TMEM132C: variants seen among roughly 807,000 people sequenced by gnomAD.
TMEM132C encodes the protein protein phosphatase 1, regulatory subunit 152.
Under a neutral mutation model 61.4 loss-of-function variants are expected in TMEM132C, and 29 were observed. The ratio of observed to expected loss-of-function variants is 0.47; its 90% CI spans 0.35 to 0.64. The LOEUF (loss-of-function observed/expected upper bound fraction) is 0.64. TMEM132C is among the 30% of genes least tolerant of loss of function. The pLI is 0.00. For synonymous variants in TMEM132C, 656 were observed against 633.1 expected (o/e 1.04, Z -0.54); for missense variants, 1,408 against 1,476.9 (o/e 0.95, Z 0.76).
chr12:128,595,465 G>A (rs756907412), intron 3 of TMEM132C, among the ~76,000 whole-genome samples: 1 of 152,190 alleles, frequency 6.6e-6, no homozygotes, highest in Admixed American at 6.5e-5. Context: ...GTTCACTAAG[G>A]GGGGAAGCTG....
chr12:128,502,809 A>T (rs1872226932), intron 2 of TMEM132C, among the ~76,000 whole-genome samples: 2 of 152,214 alleles, frequency 1.3e-5, no homozygotes, highest in Admixed American at 1.3e-4. Context: ...GCCTACCCTA[A>T]GACCCTACAA....
intron 5 of TMEM132C, among the ~76,000 whole-genome samples, chr12:128,689,317 G>A (rs1230413270): frequency 1.3e-5 from 2 of 152,032 alleles, no homozygotes; most frequent in Non-Finnish European, 2.9e-5. Flanking sequence ...TTTTCTCTCA[G>A]CAATTTTGAA....
intron 2 of TMEM132C, among the ~76,000 whole-genome samples, chr12:128,472,456 G>A (rs567558664): frequency 6.6e-6 from 1 of 152,224 alleles, no homozygotes; most frequent in Non-Finnish European, 1.5e-5. Flanking sequence ...GGGAGCCTTA[G>A]TAGGCCATTA....
intron 2 of TMEM132C, among the ~76,000 whole-genome samples, chr12:128,452,197 C>T (rs1870196117): frequency 6.6e-6 from 1 of 151,944 alleles, no homozygotes; most frequent in Non-Finnish European, 1.5e-5. Flanking sequence ...AAGACTCAAG[C>T]GATCCTCTCA....
chr12:128,288,682 T>A (rs1419862186), intron 1 of TMEM132C: 1 of 152,204 alleles, frequency 6.6e-6, no homozygotes, highest in African/African-American at 2.4e-5. Flanking sequence ...GGGCCCCATG[T>A]CACTGTGGAG....
intron 1 of TMEM132C, among the ~76,000 whole-genome samples, chr12:128,357,692 CAAAA>C (rs751246246): frequency 7.0e-5 from 5 of 71,304 alleles, no homozygotes; most frequent in Admixed American, 1.5e-4. Flanking sequence ...GACTCCGTCT[CAAAA>C]AAAAAAAAAA....
intron 2 of TMEM132C, among the ~76,000 whole-genome samples, chr12:128,445,299 C>A (rs1382810288): frequency 6.6e-6 from 1 of 152,064 alleles, no homozygotes; most frequent in Non-Finnish European, 1.5e-5. Context: ...TTGAACAAAG[C>A]AACATTAAAA....
At chr12:128,317,065 G>GT (rs1872176566) in intron 1 of TMEM132C, among the ~76,000 whole-genome samples, 1 of 152,122 alleles carries the variant, frequency 6.6e-6, no homozygotes, top group Non-Finnish European at 1.5e-5. Flanking sequence ...AACCAAATCT[G>GT]TTTCAGGCAT....
At chr12:128,323,772 G>C (rs747178931) in intron 1 of TMEM132C, among the ~76,000 whole-genome samples, 2 of 152,334 alleles carry the variant, frequency 1.3e-5, no homozygotes, top group South Asian at 2.1e-4. Context: ...GCCTGATTGC[G>C]TATGCTCAGC....
At chr12:128,339,622 A>G (rs1228065612) in intron 1 of TMEM132C, among the ~76,000 whole-genome samples, 1 of 150,412 alleles carries the variant, frequency 6.6e-6, no homozygotes, top group African/African-American at 2.5e-5. Context: ...GGGGGTCTTC[A>G]TCTCATTCAC....
chr12:128,645,073 C>T (rs1340506293), intron 4 of TMEM132C, among the ~76,000 whole-genome samples: 1 of 152,180 alleles, frequency 6.6e-6, no homozygotes, highest in Non-Finnish European at 1.5e-5. Context: ...AGATTGTGAA[C>T]CTCCTGGCCT....
intron 2 of TMEM132C, among the ~76,000 whole-genome samples, chr12:128,484,298 A>G (rs1482110641): frequency 2.0e-5 from 3 of 152,166 alleles, no homozygotes; most frequent in African/African-American, 7.2e-5. Flanking sequence ...TTGAACTTGG[A>G]ATGGAGCAGA....
In TMEM132C at chr12:128,628,839, C is replaced by G. The variant is rs77172632; in HGVS notation, c.1305+12504C>G. 8.2e-3 allele frequency among the ~76,000 whole-genome samples: 1,255 copies of G among 152,304 alleles called. 17 individuals are homozygous for G. Among genetic ancestry groups the G allele is most frequent in the African/African-American group, 0.029 (1,208 of 41,550 alleles). On this transcript the variant is annotated intron_variant, in intron 4 of 8. Coordinates refer to ENST00000435159, the MANE Select transcript of TMEM132C (RefSeq NM_001136103.3). The stretch of plus-strand genomic sequence containing the variant: ...ATACCTGTTGCCTAAATGAATGCAG[C>G]CCAAGGAAGATGCATTATCCTTATT...
chr12:128,280,600 T>G (rs139576567), intron 1 of TMEM132C, among the ~76,000 whole-genome samples: 27 of 152,298 alleles, frequency 1.8e-4, no homozygotes, highest in African/African-American at 6.3e-4. Flanking sequence ...TTTGAGTGGA[T>G]GGAAAGATAT....
intron 1 of TMEM132C, among the ~76,000 whole-genome samples, chr12:128,312,665 T>C (rs976131053): frequency 6.6e-6 from 1 of 152,150 alleles, no homozygotes; most frequent in African/African-American, 2.4e-5. Context: ...CATCAGGAAC[T>C]GGGAGACTCA....
At chr12:128,435,513 A>C (rs1048965295) in intron 2 of TMEM132C, among the ~76,000 whole-genome samples, 1 of 152,124 alleles carries the variant, frequency 6.6e-6, no homozygotes, top group Non-Finnish European at 1.5e-5. Flanking sequence ...ATAACAGACA[A>C]ACAGCCAAAT....
chr12:128,447,872 G>T (rs932785344), intron 2 of TMEM132C, among the ~76,000 whole-genome samples: 2 of 135,692 alleles, frequency 1.5e-5, no homozygotes, highest in Non-Finnish European at 3.1e-5. Flanking sequence ...GACTACAGGC[G>T]CCCGCCACCG....
At chr12:128,515,600 G>A (rs192435286) in intron 2 of TMEM132C, among the ~76,000 whole-genome samples, 162 of 152,294 alleles carry the variant, frequency 1.1e-3, no homozygotes, top group Admixed American at 3.3e-3. Flanking sequence ...TTGGGAGGCC[G>A]AGGCGGGTGG....
chr12:128,316,366 C>T (rs1872153919), intron 1 of TMEM132C, among the ~76,000 whole-genome samples: 1 of 152,116 alleles, frequency 6.6e-6, no homozygotes, highest in African/African-American at 2.4e-5. Flanking sequence ...TTTCCTTCCC[C>T]ACCACCTCCA....
Sources: allele counts gnomAD v4.1 joint callset (sites outside exome capture counted in the v4.1 genomes callset), GRCh38; gene constraint gnomAD v4.1.1; transcripts MANE v1.5; gene names NCBI Gene and HGNC (gene_info 2026-07-23, HGNC 2026-07-21).